Variants in TMEM11 observed in about 807,000 individuals in gnomAD.
TMEM11 encodes transmembrane protein 11, mitochondrial.
Under a neutral mutation model 17.0 loss-of-function variants are expected in TMEM11, and 1 was observed. That is an observed-to-expected ratio of 0.06 (90% CI 0.02 to 0.28). The LOEUF (loss-of-function observed/expected upper bound fraction) is 0.28, where lower values mean the gene tolerates loss of function less well. TMEM11 is among the 10% of genes least tolerant of loss of function. TMEM11 has a pLI of 1.00. For missense variants in TMEM11, 172 were observed against 252.9 expected, an observed-to-expected ratio of 0.68 and a Z score of 2.17; for synonymous variants, 122 against 118.1, an observed-to-expected ratio of 1.03 and a Z score of -0.21.
chr17:21,204,482 C>T (rs1309021061), intron 1 of TMEM11, among the ~76,000 whole-genome samples: 1 of 141,564 alleles, frequency 7.1e-6, no homozygotes, highest in Non-Finnish European at 1.5e-5. Flanking sequence ...GCAGCAGTAA[C>T]AGCAAAGTCT....
intron 1 of TMEM11, among the ~76,000 whole-genome samples, chr17:21,203,500 TG>T (rs11357405): frequency 0.42 from 63,733 of 151,820 alleles, 14,022 homozygotes; most frequent in Non-Finnish European, 0.5. Flanking sequence ...GCAGATCACT[TG>T]ATGTCAGGAG....
At position 21,200,951 on chromosome 17, in the gene TMEM11, T is replaced by C. The variant is rs151173083; in HGVS notation, c.63-2111A>G. On this transcript the variant is annotated intron_variant, in intron 1 of 1. Transcript: ENST00000317635. The stretch of plus-strand genomic sequence containing the variant: ...AGCATGAAGGTAACTCCCTCCAGCC[T>C]CCTTCAAAGATGGGAGCAATTCCAA... Among the ~76,000 whole-genome samples, 18 of 152,300 alleles carry C rather than the reference T, an allele frequency of 1.2e-4. No homozygotes were observed. In the East Asian group the frequency reaches 3.5e-3, roughly 29 times the overall value.
intron 1 of TMEM11, among the ~76,000 whole-genome samples, chr17:21,201,493 G>T (rs1025543043): frequency 2.0e-5 from 3 of 152,090 alleles, no homozygotes; most frequent in Non-Finnish European, 4.4e-5. Context: ...AGCTGTTACT[G>T]TAAGACTGCA....
chr17:21,200,790 C>T (rs1974874969), intron 1 of TMEM11, among the ~76,000 whole-genome samples: 1 of 152,222 alleles, frequency 6.6e-6, no homozygotes, highest in Non-Finnish European at 1.5e-5. Flanking sequence ...GTCCCGTCCG[C>T]CCAGCCTGTC....
chr17:21,200,134 C>A (rs187458814), intron 1 of TMEM11, among the ~76,000 whole-genome samples: 1 of 152,222 alleles, frequency 6.6e-6, no homozygotes, highest in African/African-American at 2.4e-5. Flanking sequence ...CAAGGCCAGA[C>A]GGCAGCCCGG....
intron 1 of TMEM11, among the ~76,000 whole-genome samples, chr17:21,202,417 GTA>G (rs1289054832): frequency 6.6e-6 from 1 of 152,166 alleles, no homozygotes; most frequent in Non-Finnish European, 1.5e-5. Context: ...CCCTAGTGCG[GTA>G]CCTTTCTCTG....
rs34994696 is a variant in TMEM11, at chr17:21,207,996, CTT to C, written c.62+6093_62+6094del. Among the ~76,000 whole-genome samples, 195 of 129,886 alleles carry C rather than the reference CTT, an allele frequency of 1.5e-3. 1 individual carries two copies. Among genetic ancestry groups the C allele is most frequent in the South Asian group, 6.1e-3 (24 of 3,960 alleles). The allele number at this position is 129,886 out of a possible 152,430, so 85.2% of individuals were successfully genotyped here. A position where few individuals can be genotyped will look rare whatever the true frequency, so the allele number is the denominator to read the frequency against. ...CTATATTTTTTAAAAAAAAGTGTTT[CTT>C]TTTTTTTTTTTTGAGACGGAGTCTC... On this transcript the variant is annotated intron_variant, in intron 1 of 1. Transcript: ENST00000317635.
At chr17:21,207,108 G>A (rs1488248301) in intron 1 of TMEM11, among the ~76,000 whole-genome samples, 1 of 152,134 alleles carries the variant, frequency 6.6e-6, no homozygotes, top group Admixed American at 6.6e-5. Context: ...ATCCTGTAAC[G>A]TGGTCTTCAA....
Position 21,198,865 on chromosome 17 carries a change from GGAGA to G in TMEM11, c.63-29_63-26del, listed in dbSNP as rs140532270. 72 of 1,552,430 alleles carry G rather than the reference GGAGA, an allele frequency of 4.6e-5. No homozygotes were observed. The highest frequency in any genetic ancestry group is 1.7e-4 in the Middle Eastern group (1 of 5,830). On this transcript the variant is annotated intron_variant, in intron 1 of 1. Coordinates refer to ENST00000317635, the MANE Select transcript of TMEM11 (RefSeq NM_003876.3). This position sits in a 1 kb window ranked among gnomAD's most constrained non-coding sequence, Gnocchi z 6.5. Reference sequence around the variant, plus strand: ...CCTTTTGATGGAGGGGGCAGGAAAGGGAGAGAGAGAGAGAGACAGGATGATTAGG... The same window carrying G: ...CCTTTTGATGGAGGGGGCAGGAAAGGGAGAGAGAGAGACAGGATGATTAGG...
Position 21,198,656 on chromosome 17 carries a change from T to C in TMEM11, c.247A>G (p.Lys83Glu). 1 of 1,614,122 alleles carries C rather than the reference T, an allele frequency of 6.2e-7. No individual in the cohort carries two copies. The highest frequency in any genetic ancestry group is 8.5e-7 in the Non-Finnish European group (1 of 1,180,048). ...RWITVGNCLH[K>E]TAVLAGTACL... The stretch of plus-strand genomic sequence containing the variant: ...GCGGTGCCCGCCAGCACGGCCGTCT[T>C]GTGCAGGCAGTTGCCCACGGTGATC... Residue 83 changes from lysine (K) to glutamate (E), a missense_variant, in exon 2 of 2, where the codon AAG becomes GAG. Lys to Glu is a moderately conservative substitution (Grantham distance 56, BLOSUM62 1). Around this residue, in one of 2 missense-constraint regions of TMEM11, gnomAD observed 123 missense variants for 213.6 expected, o/e 0.58. Transcript: ENST00000317635. The surrounding 1 kb of genome is among the most constrained non-coding windows in gnomAD (Gnocchi z 6.5).
intron 1 of TMEM11, among the ~76,000 whole-genome samples, chr17:21,212,200 T>C (rs911970005): frequency 6.6e-6 from 1 of 151,548 alleles, no homozygotes; most frequent in Admixed American, 6.6e-5. Context: ...TCTAGGAGAG[T>C]AGATGGTGAC....
At chr17:21,199,029 T>C (rs1380877370) in intron 1 of TMEM11, among the ~76,000 whole-genome samples, 189 bp from the exon 2 acceptor site, 1 of 151,848 alleles carries the variant, frequency 6.6e-6, no homozygotes, top group East Asian at 1.9e-4. Context: ...TTCCTGAAAA[T>C]AGTGAAATAA....
At chr17:21,210,821 G>A (rs1409587170) in intron 1 of TMEM11, 10 of 1,050,670 alleles carry the variant, frequency 9.5e-6, no homozygotes, top group East Asian at 6.1e-5. Context: ...TTTTAGCCCC[G>A]TGCATCTGGC....
At chr17:21,201,405 C>T (rs1046376749) in intron 1 of TMEM11, among the ~76,000 whole-genome samples, 1 of 152,238 alleles carries the variant, frequency 6.6e-6, no homozygotes, top group Non-Finnish European at 1.5e-5. Context: ...GGGACAAGAG[C>T]CTCCTAAACA....
intron 1 of TMEM11, 161 bp downstream of exon 1, chr17:21,213,930 G>A (rs1013701478): frequency 3.0e-6 from 2 of 669,886 alleles, no homozygotes; most frequent in South Asian, 3.8e-5. Flanking sequence ...GCTCCCACCC[G>A]GATCCCGGAT....
At chr17:21,200,374 G>A (rs926918489) in intron 1 of TMEM11, among the ~76,000 whole-genome samples, 2 of 152,190 alleles carry the variant, frequency 1.3e-5, no homozygotes, top group African/African-American at 2.4e-5. Context: ...CTAGTTTTCC[G>A]TTATCTGCTC....
rs146904271 is a variant in TMEM11 at position 21,201,384 on chromosome 17, G to A, written c.63-2544C>T. 6.6e-3 allele frequency among the ~76,000 whole-genome samples: 1,012 copies of A among 152,350 alleles called. 3 individuals carry two copies. The highest frequency in any genetic ancestry group is 0.012 in the Non-Finnish European group (792 of 68,034). ...CGGCATGCACTGGGGAGAAATCAGTGCCCTGAGGGTGGGACAAGAGCCTCC... is the reference window on the plus strand; with the variant it reads ...CGGCATGCACTGGGGAGAAATCAGTACCCTGAGGGTGGGACAAGAGCCTCC... On this transcript the variant is annotated intron_variant, in intron 1 of 1. Coordinates refer to ENST00000317635, the MANE Select transcript of TMEM11 (RefSeq NM_003876.3).
intron 1 of TMEM11, among the ~76,000 whole-genome samples, chr17:21,206,232 C>G (rs1416714488): frequency 1.3e-5 from 2 of 152,098 alleles, no homozygotes; most frequent in African/African-American, 4.8e-5. Flanking sequence ...TTTCCGTTTT[C>G]TTTTCTTTTG....
At chr17:21,213,519 A>T (rs1233787761) in intron 1 of TMEM11, 1 of 153,136 alleles carries the variant, frequency 6.5e-6, no homozygotes, top group Admixed American at 6.5e-5. Context: ...ACCATCCAAA[A>T]GTCTTCAGAA....
Sources: gnomAD v4.1 joint callset for allele counts (sites outside exome capture counted in the v4.1 genomes callset) on GRCh38, gnomAD v4.1.1 for gene constraint, gnomAD v4.1.1 regional missense constraint, Gnocchi (gnomAD v3.1) non-coding constraint, MANE v1.5 for transcripts, NCBI Gene and HGNC (gene_info 2026-07-23, HGNC 2026-07-21) for gene names.